NEGR1: variants seen among roughly 807,000 people sequenced by gnomAD.
NEGR1 encodes the protein neuronal growth regulator 1.
Under a neutral mutation model 40.9 loss-of-function variants are expected in NEGR1, and 10 were observed. The observed-to-expected ratio is 0.24, with a 90% CI of 0.15 to 0.42. The LOEUF (loss-of-function observed/expected upper bound fraction) is 0.42. Ranked by LOEUF, NEGR1 falls within the 10% of genes least tolerant of loss-of-function variation. The pLI is 1.00. For synonymous variants in NEGR1, 185 were observed against 166.8 expected (o/e 1.11, Z -0.84); for missense variants, 352 against 438.9 (o/e 0.80, Z 1.77).
chr1:72,013,526 T>C (rs1308706986), intron 1 of NEGR1, among the ~76,000 whole-genome samples: 2 of 152,096 alleles, frequency 1.3e-5, no homozygotes, highest in Non-Finnish European at 2.9e-5. Context: ...AATTCTTTTA[T>C]TACAAACATA....
At chr1:71,551,405 A>G (rs914726387) in intron 6 of NEGR1, among the ~76,000 whole-genome samples, 1 of 151,656 alleles carries the variant, frequency 6.6e-6, no homozygotes, top group Admixed American at 6.6e-5. Context: ...GTACATATAC[A>G]CACAAATGTT....
chr1:71,534,973 CTT>C (rs918168324), intron 6 of NEGR1, among the ~76,000 whole-genome samples: 183 of 151,558 alleles, frequency 1.2e-3, no homozygotes, highest in African/African-American at 4.0e-3. Flanking sequence ...GCAATAGTCT[CTT>C]AAAATTTTTT....
intron 1 of NEGR1, among the ~76,000 whole-genome samples, chr1:71,997,474 C>T (rs1036184171): frequency 6.6e-6 from 1 of 151,974 alleles, no homozygotes; most frequent in African/African-American, 2.4e-5. Flanking sequence ...CCCCATGAAG[C>T]ATCATCTAAT....
intron 3 of NEGR1, among the ~76,000 whole-genome samples, chr1:71,704,845 G>T (rs1251683904): frequency 6.6e-6 from 1 of 151,572 alleles, no homozygotes; most frequent in Non-Finnish European, 1.5e-5. Flanking sequence ...TAAGAACATT[G>T]ACACAAAAAT....
intron 1 of NEGR1, among the ~76,000 whole-genome samples, chr1:72,152,080 C>T (rs1360103868): frequency 2.0e-5 from 3 of 151,722 alleles, no homozygotes; most frequent in African/African-American, 7.2e-5. Context: ...ACATCCTACG[C>T]AAGCTTATAT....
chr1:72,270,475 C>A lies in NEGR1; in HGVS notation c.176+11844G>T, dbSNP rs561199001. Among the ~76,000 whole-genome samples, 4 of 151,974 alleles carry A rather than the reference C, an allele frequency of 2.6e-5. No individual in the cohort carries two copies. The South Asian group carries it at 8.3e-4, about 32-fold the overall frequency. On this transcript the variant is annotated intron_variant, in intron 1 of 6. Transcript: ENST00000357731. The stretch of plus-strand genomic sequence containing the variant: ...ATAACCTACAGATGCTCCAAGGAAC[C>A]ATAAGAACATATCTAATCCTCAATA...
At chr1:72,128,947 G>A (rs1650136392) in intron 1 of NEGR1, among the ~76,000 whole-genome samples, 1 of 152,114 alleles carries the variant, frequency 6.6e-6, no homozygotes, top group Non-Finnish European at 1.5e-5. Context: ...TGCTTGAGCT[G>A]AGACCTCATG....
chr1:72,253,961 A>C (rs1655183992), intron 1 of NEGR1, among the ~76,000 whole-genome samples: 1 of 152,208 alleles, frequency 6.6e-6, no homozygotes, highest in Admixed American at 6.5e-5. Flanking sequence ...TACAGGTAAT[A>C]AAATAAAATG....
intron 1 of NEGR1, among the ~76,000 whole-genome samples, chr1:72,059,586 A>G (rs1355243106): frequency 6.6e-6 from 1 of 151,668 alleles, no homozygotes; most frequent in Non-Finnish European, 1.5e-5. Flanking sequence ...AAACACATGG[A>G]TAACCCTGAC....
intron 6 of NEGR1, among the ~76,000 whole-genome samples, chr1:71,469,688 A>G (rs1557537149): frequency 6.6e-6 from 1 of 152,096 alleles, no homozygotes; most frequent in African/African-American, 2.4e-5. Flanking sequence ...TACTGAGGAA[A>G]TAGCAGAGAT....
intron 2 of NEGR1, among the ~76,000 whole-genome samples, chr1:71,832,270 A>G (rs1029684555): frequency 6.6e-5 from 10 of 152,044 alleles, no homozygotes; most frequent in African/African-American, 2.2e-4. Context: ...ACATAGCACT[A>G]TGAACTGACA....
intron 1 of NEGR1, among the ~76,000 whole-genome samples, chr1:72,043,772 G>C (rs1646976462): frequency 1.3e-5 from 2 of 151,836 alleles, no homozygotes; most frequent in African/African-American, 4.8e-5. Context: ...AATTCGCGGG[G>C]AAAAGCACTT....
chr1:72,250,363 C>T (rs1419427598), intron 1 of NEGR1, among the ~76,000 whole-genome samples: 1 of 152,028 alleles, frequency 6.6e-6, no homozygotes, highest in Non-Finnish European at 1.5e-5. Flanking sequence ...TTACTGTTTT[C>T]CCTACCTAGT....
At chr1:71,415,736 T>C (rs1234848606) in intron 6 of NEGR1, among the ~76,000 whole-genome samples, 1 of 152,174 alleles carries the variant, frequency 6.6e-6, no homozygotes, top group South Asian at 2.1e-4. Flanking sequence ...TTACTCTATT[T>C]TAGAAACTCA....
intron 1 of NEGR1, among the ~76,000 whole-genome samples, chr1:71,958,151 CT>C (rs1392140342): frequency 2.0e-5 from 3 of 152,214 alleles, no homozygotes; most frequent in African/African-American, 7.2e-5. Context: ...CCCACATCCA[CT>C]GAGTACAGTT....
intron 6 of NEGR1, among the ~76,000 whole-genome samples, chr1:71,521,637 G>A (rs1463929698): frequency 1.3e-5 from 2 of 151,956 alleles, no homozygotes; most frequent in African/African-American, 4.8e-5. Flanking sequence ...CAGGAAACAG[G>A]ACTACATTTT....
chr1:72,085,833 G>T (rs1267515974), intron 1 of NEGR1, among the ~76,000 whole-genome samples: 1 of 151,726 alleles, frequency 6.6e-6, no homozygotes, highest in Non-Finnish European at 1.5e-5. Context: ...AGCTGGGAGT[G>T]GTGGTGTGCA....
At chr1:71,443,475 G>T (rs761757717) in intron 6 of NEGR1, among the ~76,000 whole-genome samples, 1 of 152,136 alleles carries the variant, frequency 6.6e-6, no homozygotes, top group Non-Finnish European at 1.5e-5. Flanking sequence ...CAGTGAAAGG[G>T]TTGCTGAGGG....
chr1:71,974,593 C>G (rs1646285826), intron 1 of NEGR1, among the ~76,000 whole-genome samples: 1 of 151,920 alleles, frequency 6.6e-6, no homozygotes, highest in African/African-American at 2.4e-5. Flanking sequence ...AGTGGTATAT[C>G]CTAATCTGCT....
Sources: allele counts gnomAD v4.1 joint callset (sites outside exome capture counted in the v4.1 genomes callset), GRCh38; gene constraint gnomAD v4.1.1; transcripts MANE v1.5; gene names NCBI Gene and HGNC (gene_info 2026-07-23, HGNC 2026-07-21).